Variants in TOX3 observed in about 807,000 individuals in gnomAD.
TOX3 encodes TOX high mobility group box family member 3, also known as CAG trinucleotide repeat-containing gene F9 protein.
In TOX3, 22 loss-of-function variants were observed where a neutral mutation model predicts 64.3. That is an observed-to-expected ratio of 0.34 (90% CI 0.24 to 0.49). The LOEUF is 0.49. Ranked by LOEUF, TOX3 falls within the 20% of genes least tolerant of loss-of-function variation. The pLI, the probability that TOX3 is intolerant of heterozygous loss-of-function variation, is 0.99. For missense variants in TOX3, 661 were observed against 714.4 expected (o/e 0.93, Z 0.85); for synonymous variants, 291 against 273.6 (o/e 1.06, Z -0.63).
At chr16:52,515,923 C>A (rs190300695) in intron 1 of TOX3, among the ~76,000 whole-genome samples, 10 of 152,136 alleles carry the variant, frequency 6.6e-5, no homozygotes, top group African/African-American at 2.4e-4. Context: ...ATATAAACAG[C>A]ACAATTACTT....
intron 1 of TOX3, among the ~76,000 whole-genome samples, chr16:52,491,628 T>C (rs142600634): frequency 4.0e-4 from 61 of 152,322 alleles, no homozygotes; most frequent in Non-Finnish European, 5.1e-4. Context: ...CTGCTTGTCC[T>C]ACCCATGGAC....
rs1022071964 is a variant in TOX3 at position 52,546,824 on chromosome 16, G to T, written c.-101C>A. Reference sequence around the variant, plus strand: ...GATCCACCGTCGAGGGCGCCCGGGGGTGGCGCGTGGGACTCGCGGCCGGAG... The same window carrying T: ...GATCCACCGTCGAGGGCGCCCGGGGTTGGCGCGTGGGACTCGCGGCCGGAG... On this transcript the variant is annotated 5_prime_UTR_variant, in exon 1 of 7. Coordinates refer to ENST00000219746, the MANE Select transcript of TOX3 (RefSeq NM_001080430.4). 5 of 1,272,006 alleles carry T rather than the reference G, an allele frequency of 3.9e-6. No individual in the cohort carries two copies. The highest frequency in any genetic ancestry group is 5.0e-6 in the Non-Finnish European group (5 of 1,009,868). 78.8% of individuals were successfully genotyped at this position (1,272,006 alleles called of 1,614,324 possible).
At chr16:52,540,902 CA>C (rs1317136998) in intron 1 of TOX3, among the ~76,000 whole-genome samples, 4 of 152,186 alleles carry the variant, frequency 2.6e-5, no homozygotes, top group African/African-American at 7.2e-5. Context: ...ACTGCCAACC[CA>C]AAGACTTCTT....
At chr16:52,532,019 G>C (rs1000725651) in intron 1 of TOX3, among the ~76,000 whole-genome samples, 1 of 152,154 alleles carries the variant, frequency 6.6e-6, no homozygotes, top group African/African-American at 2.4e-5. Flanking sequence ...GAGTTTGGGG[G>C]GCAGTGGGGA....
chr16:52,485,620 C>T (rs879700240), intron 1 of TOX3, among the ~76,000 whole-genome samples: 1 of 151,948 alleles, frequency 6.6e-6, no homozygotes, highest in Non-Finnish European at 1.5e-5. Flanking sequence ...ATGTAACAAA[C>T]ATGCACATGT....
chr16:52,443,459 G>A (rs1018743584), intron 6 of TOX3, among the ~76,000 whole-genome samples: 3 of 152,092 alleles, frequency 2.0e-5, no homozygotes, highest in Non-Finnish European at 4.4e-5. Context: ...CAACTCAGGT[G>A]AAAAGAGAAA....
At chr16:52,486,614 T>A (rs1010270630) in intron 1 of TOX3, among the ~76,000 whole-genome samples, 12 of 152,136 alleles carry the variant, frequency 7.9e-5, no homozygotes, top group African/African-American at 2.9e-4. Flanking sequence ...GGGCCTGCTA[T>A]GGCCAAGGAA....
chr16:52,462,293 G>A (rs774049739), intron 3 of TOX3, among the ~76,000 whole-genome samples: 6 of 152,056 alleles, frequency 3.9e-5, no homozygotes, highest in African/African-American at 1.2e-4. Context: ...ACGCCAGTCC[G>A]TGAAAGCATT....
At chr16:52,487,301 G>A (rs1407559890) in intron 1 of TOX3, among the ~76,000 whole-genome samples, 1 of 103,862 alleles carries the variant, frequency 9.6e-6, no homozygotes, top group East Asian at 4.3e-4. Context: ...AGCTGAGTCA[G>A]ATGGAAAAAA....
At chr16:52,522,636 C>T (rs1654590149) in intron 1 of TOX3, among the ~76,000 whole-genome samples, 1 of 152,164 alleles carries the variant, frequency 6.6e-6, no homozygotes, top group Admixed American at 6.5e-5. Context: ...AGGGTGACAG[C>T]TGTCCCACTG....
At chr16:52,516,154 T>C (rs531184209) in intron 1 of TOX3, among the ~76,000 whole-genome samples, 2 of 152,322 alleles carry the variant, frequency 1.3e-5, no homozygotes, top group South Asian at 4.1e-4. Flanking sequence ...ATCCAAATGG[T>C]AATGAATATT....
At chr16:52,440,724 T>C (rs1032979889) in intron 6 of TOX3, among the ~76,000 whole-genome samples, 3 of 150,894 alleles carry the variant, frequency 2.0e-5, no homozygotes, top group Admixed American at 6.6e-5. Context: ...ATCTGTAACA[T>C]TGGGTTATAT....
At chr16:52,494,226 C>T (rs531075516) in intron 1 of TOX3, among the ~76,000 whole-genome samples, 2 of 152,256 alleles carry the variant, frequency 1.3e-5, no homozygotes, top group Admixed American at 6.5e-5. Context: ...GGTTGGGGGG[C>T]AGGCAATTTA....
intron 1 of TOX3, among the ~76,000 whole-genome samples, chr16:52,540,640 C>T (rs1018484981): frequency 2.0e-5 from 3 of 152,070 alleles, no homozygotes; most frequent in Non-Finnish European, 4.4e-5. Context: ...ATAAAAGAGA[C>T]GGTCTAGTGG....
At chr16:52,473,060 G>C (rs951491509) in intron 1 of TOX3, among the ~76,000 whole-genome samples, 3 of 152,134 alleles carry the variant, frequency 2.0e-5, no homozygotes, top group African/African-American at 7.2e-5. Flanking sequence ...GAGCACCGCA[G>C]GATTTTTTAG....
chr16:52,460,209 A>C (rs1567317434), intron 3 of TOX3, among the ~76,000 whole-genome samples: 1 of 152,214 alleles, frequency 6.6e-6, no homozygotes, highest in Non-Finnish European at 1.5e-5. Flanking sequence ...CATTTTCTAT[A>C]AATATGTGTG....
chr16:52,519,531 C>T (rs1962546108), intron 1 of TOX3: 2 of 1,540,498 alleles, frequency 1.3e-6, no homozygotes, highest in East Asian at 2.5e-5. Context: ...CCTCTTCTGA[C>T]TCTTCTGTCC....
At chr16:52,520,003 AAGG>A (rs1410714261) in intron 1 of TOX3, among the ~76,000 whole-genome samples, 1 of 151,582 alleles carries the variant, frequency 6.6e-6, no homozygotes, top group Non-Finnish European at 1.5e-5. Context: ...GAAGAAGAAG[AAGG>A]AGAAGAAATA....
In TOX3 at chr16:52,448,015, G is replaced by A. The variant is rs188165658; in HGVS notation, c.679-1794C>T. Among the ~76,000 whole-genome samples, 480 of 151,982 alleles carry A rather than the reference G, an allele frequency of 3.2e-3. 2 individuals are homozygous for A. The highest frequency in any genetic ancestry group is 0.011 in the African/African-American group (453 of 41,430). Reference sequence around the variant, plus strand: ...CTCTGTAAAACAATATTCAAATGTCGACCACCTTTGACGCCTTTCTTGGAT... The same window carrying A: ...CTCTGTAAAACAATATTCAAATGTCAACCACCTTTGACGCCTTTCTTGGAT... On this transcript the variant is annotated intron_variant, in intron 4 of 6. Coordinates refer to ENST00000219746, the MANE Select transcript of TOX3 (RefSeq NM_001080430.4).
Sources: gnomAD v4.1 joint callset for allele counts (sites outside exome capture counted in the v4.1 genomes callset) on GRCh38, gnomAD v4.1.1 for gene constraint, MANE v1.5 for transcripts, NCBI Gene and HGNC (gene_info 2026-07-23, HGNC 2026-07-21) for gene names.